PKHD1: variants seen among roughly 807,000 people sequenced by gnomAD.
The protein encoded by PKHD1 is PKHD1 ciliary IPT domain containing fibrocystin/polyductin, also known as fibrocystin.
PKHD1 carries 291 observed loss-of-function variants against 412.0 expected under a neutral mutation model. The ratio of observed to expected loss-of-function variants is 0.71; its 90% CI spans 0.64 to 0.78. The LOEUF is 0.78. Ranked by LOEUF, PKHD1 falls within the 30% of genes least tolerant of loss-of-function variation. The probability of loss-of-function intolerance (pLI) is 0.00; values close to 1 mark genes in which losing one functional copy is unlikely to be tolerated. For missense variants in PKHD1, 4,825 were observed against 4,950.7 expected (o/e 0.97, Z 0.76); for synonymous variants, 1,777 against 1,821.5 (o/e 0.98, Z 0.62).
chr6:51,911,711 G>A (rs1782961953), intron 39 of PKHD1, 88 bp downstream of exon 39: 1 of 1,158,104 alleles, frequency 8.6e-7, no homozygotes, highest in Middle Eastern at 1.9e-4. Context: ...TATTTTAAAA[G>A]AGGTCAACCA....
At chr6:51,684,377 G>T (rs974560806) in intron 60 of PKHD1, among the ~76,000 whole-genome samples, 1 of 152,010 alleles carries the variant, frequency 6.6e-6, no homozygotes, top group South Asian at 2.1e-4. Context: ...GAGTAACTCT[G>T]TCTCATACAA....
In PKHD1 at chr6:51,619,528, G is replaced by T; in HGVS notation, c.11786-8C>A. On this transcript the variant is annotated splice_polypyrimidine_tract_variant and splice_region_variant and intron_variant, in intron 66 of 66. Coordinates refer to ENST00000371117, the MANE Select transcript of PKHD1 (RefSeq NM_138694.4). Reference sequence around the variant, plus strand: ...TGACCTTCATTCTCATATCTGGGGGGAAAAGAAATAGGGGAAGAAATGGAT... The same window carrying T: ...TGACCTTCATTCTCATATCTGGGGGTAAAAGAAATAGGGGAAGAAATGGAT... 6.2e-7 allele frequency: 1 copy of T among 1,610,170 alleles called. No homozygotes were observed. The highest frequency in any genetic ancestry group is 8.5e-7 in the Non-Finnish European group (1 of 1,176,462).
intron 35 of PKHD1, among the ~76,000 whole-genome samples, chr6:51,997,729 G>C (rs1008889186): frequency 2.4e-4 from 36 of 152,234 alleles, no homozygotes; most frequent in Admixed American, 1.3e-4. Context: ...AGGATCTTCA[G>C]GGCATCAGGA....
intron 43 of PKHD1, among the ~76,000 whole-genome samples, chr6:51,891,353 C>T (rs1259228976): frequency 6.6e-6 from 1 of 152,122 alleles, no homozygotes; most frequent in African/African-American, 2.4e-5. Flanking sequence ...GATCTCGGCT[C>T]ACCGCAACCT....
rs1455528824 is a variant in PKHD1 at position 51,746,740 on chromosome 6, A to G, written c.9979T>C (p.Phe3327Leu). 1.9e-6 allele frequency: 3 copies of G among 1,607,800 alleles called. No individual in the cohort carries two copies. In the South Asian group the frequency reaches 3.3e-5, roughly 18 times the overall value. ...LKIKDKNKFY[F>L]PSLQPRKDLG... is the part of the protein sequence containing the mutation. ...TTATACCTGGGTTGTAATGAAGGAAAGTAGAACTTGTTTTTATCTTTTATC... is the reference window on the plus strand; with the variant it reads ...TTATACCTGGGTTGTAATGAAGGAAGGTAGAACTTGTTTTTATCTTTTATC... The change falls in exon 59 of 67, where the codon TTT becomes CTT. Residue 3327 changes from phenylalanine to leucine, a missense_variant. Transcript: ENST00000371117.
intron 60 of PKHD1, among the ~76,000 whole-genome samples, chr6:51,668,560 T>A (rs1774278987): frequency 1.3e-5 from 2 of 152,174 alleles, no homozygotes; most frequent in South Asian, 4.1e-4. Flanking sequence ...CTGATTGCCC[T>A]GGCCAGAACT....
At chr6:52,043,798 A>G (rs1581915862) in intron 25 of PKHD1, 68 bp from the exon 26 acceptor site, 1 of 1,066,328 alleles carries the variant, frequency 9.4e-7, no homozygotes, top group East Asian at 2.4e-5. Context: ...CATAAAGTAT[A>G]TGTGAAGTGC....
intron 35 of PKHD1, among the ~76,000 whole-genome samples, chr6:51,967,378 T>C (rs1386566911): frequency 1.3e-5 from 2 of 152,100 alleles, no homozygotes; most frequent in Non-Finnish European, 2.9e-5. Flanking sequence ...TACTATACTA[T>C]CAGTATAGTA....
At chr6:52,066,876 C>T (rs748048608) in intron 11 of PKHD1, among the ~76,000 whole-genome samples, 4 of 151,622 alleles carry the variant, frequency 2.6e-5, no homozygotes, top group African/African-American at 7.3e-5. Context: ...CTCCAGCCTG[C>T]GTGACAGAGC....
Position 51,663,637 on chromosome 6 carries a change from A to G in PKHD1, c.10157-3668T>C, listed in dbSNP as rs889455695. ...TGATTGATATGTAATGTCCTTTTCAAAATTCCTATTCTTCAAATCACTTTA... is the reference window on the plus strand; with the variant it reads ...TGATTGATATGTAATGTCCTTTTCAGAATTCCTATTCTTCAAATCACTTTA... On this transcript the variant is annotated intron_variant, in intron 60 of 66. Transcript: ENST00000371117. Among the ~76,000 whole-genome samples the G allele has an allele frequency of 2.0e-5, 3 of 152,156 alleles. No individual in the cohort carries two copies. The East Asian group carries it at 5.8e-4, about 29-fold the overall frequency.
chr6:51,916,774 A>G (rs1194340884), intron 37 of PKHD1, among the ~76,000 whole-genome samples: 4 of 152,130 alleles, frequency 2.6e-5, no homozygotes, highest in Admixed American at 6.6e-5. Context: ...AAAACACATA[A>G]AACTACGCAT....
intron 60 of PKHD1, among the ~76,000 whole-genome samples, chr6:51,725,239 T>C (rs937601836): frequency 2.0e-5 from 3 of 152,166 alleles, no homozygotes; most frequent in Non-Finnish European, 2.9e-5. Context: ...TGTGGGACCA[T>C]GTAAAACCTA....
intron 37 of PKHD1, among the ~76,000 whole-genome samples, chr6:51,930,184 A>T (rs1334075691): frequency 6.6e-6 from 1 of 152,166 alleles, no homozygotes; most frequent in African/African-American, 2.4e-5. Context: ...AAAAGGCAAG[A>T]GTGAAATTTC....
chr6:51,993,155 A>G (rs1025610669), intron 35 of PKHD1, among the ~76,000 whole-genome samples: 2 of 152,258 alleles, frequency 1.3e-5, no homozygotes, highest in Non-Finnish European at 2.9e-5. Flanking sequence ...AGGCAGAGCT[A>G]AAGGTTAACA....
At chr6:51,631,519 C>T (rs1767915077) in intron 65 of PKHD1, among the ~76,000 whole-genome samples, 1 of 152,172 alleles carries the variant, frequency 6.6e-6, no homozygotes, top group South Asian at 2.1e-4. Flanking sequence ...GCTACTTCCT[C>T]TCACCTTTAT....
rs1057517047 is a variant in PKHD1 at position 51,659,152 on chromosome 6, GAT to G, written c.10972_10973del (p.Ile3658LeufsTer7). On this transcript the variant is annotated frameshift_variant, in exon 61 of 67. Transcript: ENST00000371117. LOFTEE classifies it high-confidence loss of function. ...CAATTTCAATGACAATCACTTTTGA[GAT>G]AGTTTCCACAGTCATTGGGGGTGAA... ...RASPPMTVETISKVIVIEIGD... is the reference protein window; with the variant it reads ...RASPPMTVETXSKVIVIEIGD... 1 of 1,613,782 alleles carries G rather than the reference GAT, an allele frequency of 6.2e-7. No individual in the cohort carries two copies.
intron 63 of PKHD1, among the ~76,000 whole-genome samples, chr6:51,643,670 TTTTG>T (rs1210829740): frequency 4.6e-5 from 7 of 152,178 alleles, no homozygotes; most frequent in Admixed American, 1.3e-4. Flanking sequence ...TTGTTTTGTT[TTTTG>T]TTTGTTTTAA....
At chr6:51,977,088 G>A (rs1345929458) in intron 35 of PKHD1, among the ~76,000 whole-genome samples, 1 of 152,038 alleles carries the variant, frequency 6.6e-6, no homozygotes, top group African/African-American at 2.4e-5. Context: ...TCTCTGTAAA[G>A]CCTATTTGGA....
At chr6:51,913,945 A>T (rs142472267) in intron 37 of PKHD1, among the ~76,000 whole-genome samples, 8 of 152,244 alleles carry the variant, frequency 5.3e-5, no homozygotes, top group Non-Finnish European at 1.0e-4. Context: ...TTGTTTGTAT[A>T]TCTTAACCCT....
Sources: allele counts gnomAD v4.1 joint callset (sites outside exome capture counted in the v4.1 genomes callset), GRCh38; gene constraint gnomAD v4.1.1; transcripts MANE v1.5; gene names NCBI Gene and HGNC (gene_info 2026-07-23, HGNC 2026-07-21).